Variants in RIT1 observed in about 807,000 individuals in gnomAD.
RIT1 encodes Ras like without CAAX 1.
In RIT1, 6 loss-of-function variants were observed where a neutral mutation model predicts 25.6. The ratio of observed to expected loss-of-function variants is 0.23; its 90% CI spans 0.13 to 0.46. RIT1 has a LOEUF of 0.46. Ranked by LOEUF, RIT1 falls within the 20% of genes least tolerant of loss-of-function variation. The pLI, the probability that RIT1 is intolerant of heterozygous loss-of-function variation, is 0.99. For synonymous variants in RIT1, 81 were observed against 94.1 expected (o/e 0.86, Z 0.80); for missense variants, 219 against 284.4 (o/e 0.77, Z 1.65).
At chr1:155,901,728 G>A (rs1251761398) in intron 5 of RIT1, among the ~76,000 whole-genome samples, 1 of 152,068 alleles carries the variant, frequency 6.6e-6, no homozygotes, top group East Asian at 1.9e-4. Context: ...TAAGGTAAGA[G>A]GATCACTTGA....
chr1:155,910,963 ACC>A, intron 1 of RIT1, 159 bp from the exon 2 acceptor site: 3 of 1,431,086 alleles, frequency 2.1e-6, no homozygotes, highest in Non-Finnish European at 2.8e-6. Flanking sequence ...GCCCTAAGAA[ACC>A]CCCCCATCTT....
Position 155,900,367 on chromosome 1 carries a change from T to TA in RIT1, c.*20dup. ...TTGATACAGCACTGCAGTTCACAGATAAACACTTCACATCTTCTCTTCAAG... is the reference window on the plus strand; with the variant it reads ...TTGATACAGCACTGCAGTTCACAGATAAAACACTTCACATCTTCTCTTCAAG... On this transcript the variant is annotated 3_prime_UTR_variant, in exon 6 of 6. Coordinates refer to ENST00000368323, the MANE Select transcript of RIT1 (RefSeq NM_006912.6). 1 of 1,583,894 alleles carries TA rather than the reference T, an allele frequency of 6.3e-7. No individual in the cohort carries two copies. Among genetic ancestry groups the TA allele is most frequent in the Non-Finnish European group, 8.7e-7 (1 of 1,153,100 alleles).
At chr1:155,911,043 T>A (rs777231800) in intron 1 of RIT1, 200 bp downstream of exon 1, 14 of 899,578 alleles carry the variant, frequency 1.6e-5, no homozygotes, top group Admixed American at 5.2e-5. Context: ...AAGAGAAAAA[T>A]AAAAAGATAC....
chr1:155,905,505 C>A (rs1005432658), intron 3 of RIT1, among the ~76,000 whole-genome samples: 22 of 151,648 alleles, frequency 1.5e-4, no homozygotes, highest in South Asian at 2.1e-4. Context: ...CAGCCGAGAC[C>A]CCATCTCTTA....
chr1:155,909,753 C>G (rs1673543044), intron 3 of RIT1, among the ~76,000 whole-genome samples: 1 of 151,764 alleles, frequency 6.6e-6, no homozygotes, highest in Admixed American at 6.6e-5. Context: ...GAAATCCCAT[C>G]TCTACTAAAA....
At position 155,910,431 on chromosome 1, in the gene RIT1, A is replaced by AAGT. The variant is rs1673567431; in HGVS notation, c.163+16_163+18dup. 1.2e-6 allele frequency: 2 copies of AAGT among 1,601,598 alleles called. No individual in the cohort carries two copies. The highest frequency in any genetic ancestry group is 1.7e-6 in the Non-Finnish European group (2 of 1,168,852). ...TTTTATGGGGTATATTTGGAAACAT[A>AAGT]AGTGATGATCTGGCTTACCAATGGT... is the stretch of plus-strand genomic sequence containing the variant. On this transcript the variant is annotated intron_variant, in intron 3 of 5. Transcript: ENST00000368323.
At chr1:155,909,102 C>G (rs76121330) in intron 3 of RIT1, among the ~76,000 whole-genome samples, 1 of 151,826 alleles carries the variant, frequency 6.6e-6, no homozygotes, top group Non-Finnish European at 1.5e-5. Flanking sequence ...TAAGGCCCGG[C>G]GCAGTGGTCA....
chr1:155,908,749 G>C (rs2102589209), intron 3 of RIT1, among the ~76,000 whole-genome samples: 1 of 151,610 alleles, frequency 6.6e-6, no homozygotes, highest in South Asian at 2.1e-4. Context: ...TTTTAGTAGA[G>C]ATGGGGTTTC....
At chr1:155,903,189 G>C (rs369138238) in intron 5 of RIT1, among the ~76,000 whole-genome samples, 1 of 151,934 alleles carries the variant, frequency 6.6e-6, no homozygotes, top group African/African-American at 2.4e-5. Flanking sequence ...CCAGCTACTC[G>C]GGAGGCTGAG....
chr1:155,904,715 T>C lies in RIT1; in HGVS notation c.237+16A>G. ...AGTAAAAAAGCCTTTACTCATAACA[T>C]TCTGGGATTTAATACCTGTCCAGCT... On this transcript the variant is annotated intron_variant, in intron 4 of 5. Transcript: ENST00000368323. 6.3e-7 allele frequency: 1 copy of C among 1,587,374 alleles called. No individual in the cohort carries two copies.
intron 3 of RIT1, among the ~76,000 whole-genome samples, chr1:155,905,273 T>C (rs1673414325): frequency 6.6e-6 from 1 of 152,052 alleles, no homozygotes; most frequent in Non-Finnish European, 1.5e-5. Context: ...TTCGGTTCAC[T>C]GTAGCCTTGA....
chr1:155,910,723 G>C lies in RIT1; in HGVS notation c.39C>G (p.Ser13Arg). 1 of 1,614,228 alleles carries C rather than the reference G, an allele frequency of 6.2e-7. No individual in the cohort carries two copies. The highest frequency in any genetic ancestry group is 1.6e-4 in the Middle Eastern group (1 of 6,062). The change falls in exon 2 of 6, where the codon AGC becomes AGG. Residue 13 changes from serine to arginine, a missense_variant. By Grantham distance (110) the Ser-to-Arg change is moderately radical. This residue lies in a region of RIT1 where 131 missense variants were observed against 173.6 expected (regional missense o/e 0.75). Coordinates refer to ENST00000368323, the MANE Select transcript of RIT1 (RefSeq NM_006912.6). Reference protein sequence around the residue: ...SGTRPVGSCCSSPAGLSREYK... With the variant: ...SGTRPVGSCCRSPAGLSREYK... The stretch of plus-strand genomic sequence containing the variant: ...ACTCCCGTGAGAGCCCAGCGGGGCT[G>C]CTACAGCAGCTACCAACTGGGCGAG...
chr1:155,903,920 T>C (rs1175542424), intron 5 of RIT1, among the ~76,000 whole-genome samples: 2 of 152,186 alleles, frequency 1.3e-5, no homozygotes, highest in African/African-American at 2.4e-5. Context: ...TGAACTGGGA[T>C]GATTGCTTGA....
At chr1:155,901,999 C>T (rs1363968118) in intron 5 of RIT1, among the ~76,000 whole-genome samples, 1 of 152,092 alleles carries the variant, frequency 6.6e-6, no homozygotes, top group Non-Finnish European at 1.5e-5. Context: ...AAACTGATCA[C>T]CGGGATTGCA....
chr1:155,905,820 T>C (rs1307874762), intron 3 of RIT1, among the ~76,000 whole-genome samples: 1 of 151,904 alleles, frequency 6.6e-6, no homozygotes, highest in Non-Finnish European at 1.5e-5. Context: ...GAAAAAAATA[T>C]ATAATTCACT....
Position 155,906,810 on chromosome 1 carries a change from A to C in RIT1, c.164-2006T>G, listed in dbSNP as rs1673452460. ...GAAAAAAAGAAAAAAAAAGAAAGAA[A>C]ATACCAGAGTGGGTGAGGTACAGTG... is the stretch of plus-strand genomic sequence containing the variant. On this transcript the variant is annotated intron_variant, in intron 3 of 5. Coordinates refer to ENST00000368323, the MANE Select transcript of RIT1 (RefSeq NM_006912.6). Among the ~76,000 whole-genome samples, 3 of 152,042 alleles carry C rather than the reference A, an allele frequency of 2.0e-5. No homozygotes were observed. The South Asian group carries it at 6.2e-4, about 31-fold the overall frequency.
At chr1:155,910,402 A>G (rs1673566560) in intron 3 of RIT1, 48 bp downstream of exon 3, 2 of 1,454,220 alleles carry the variant, frequency 1.4e-6, no homozygotes, top group Non-Finnish European at 1.9e-6. Context: ...ATTCATTAAG[A>G]TATTTTTATG....
At chr1:155,904,278 G>C (rs1169771866) in intron 5 of RIT1, 33 bp downstream of exon 5, 3 of 1,463,082 alleles carry the variant, frequency 2.1e-6, no homozygotes, top group Non-Finnish European at 2.9e-6. Flanking sequence ...AATTGTATAA[G>C]ATTATAGACA....
rs956395937 is a variant in RIT1 at position 155,898,615 on chromosome 1, C to T, written c.*1773G>A. On this transcript the variant is annotated 3_prime_UTR_variant, in exon 6 of 6. Transcript: ENST00000368323. ...CTATGGGCTTTAAACTTAAAAGGTGCTAAACCAGTTTAAATGTAAAACATT... is the reference window on the plus strand; with the variant it reads ...CTATGGGCTTTAAACTTAAAAGGTGTTAAACCAGTTTAAATGTAAAACATT... The T allele has an allele frequency of 3.0e-5, 5 of 165,152 alleles. No individual in the cohort carries two copies. The highest frequency in any genetic ancestry group is 1.0e-4 in the African/African-American group (4 of 39,402). 10.2% of individuals were successfully genotyped at this position (165,152 alleles called of 1,614,324 possible).
Sources: gnomAD v4.1 joint callset for allele counts (sites outside exome capture counted in the v4.1 genomes callset) on GRCh38, gnomAD v4.1.1 for gene constraint, gnomAD v4.1.1 regional missense constraint, MANE v1.5 for transcripts, NCBI Gene and HGNC (gene_info 2026-07-23, HGNC 2026-07-21) for gene names.